The following CEP128 variants were observed in gnomAD, a reference collection of about 807,000 sequenced individuals.
CEP128 encodes the protein centrosomal protein 128, also known as centrosomal protein 128kDa.
CEP128 carries 132 observed loss-of-function variants against 156.7 expected under a neutral mutation model. The ratio of observed to expected loss-of-function variants is 0.84; its 90% confidence interval spans 0.73 to 0.97. The LOEUF (loss-of-function observed/expected upper bound fraction) is 0.97. CEP128 is among the 50% of genes least tolerant of loss of function. The pLI, the probability that CEP128 is intolerant of heterozygous loss-of-function variation, is 0.00. For synonymous variants in CEP128, 469 were observed against 448.9 expected (o/e 1.04, Z -0.57); for missense variants, 1,252 against 1,281.9 (o/e 0.98, Z 0.36).
chr14:80,608,342 T>C (rs912614137), intron 19 of CEP128, among the ~76,000 whole-genome samples: 1 of 152,218 alleles, frequency 6.6e-6, no homozygotes, highest in Non-Finnish European at 1.5e-5. Context: ...GCTGGGCACA[T>C]AGGAAGTGCT....
At chr14:80,634,681 A>G (rs1272376605) in intron 19 of CEP128, among the ~76,000 whole-genome samples, 1 of 152,104 alleles carries the variant, frequency 6.6e-6, no homozygotes, top group Non-Finnish European at 1.5e-5. Context: ...AGTTAATTTT[A>G]TCTCTGTGTT....
intron 15 of CEP128, among the ~76,000 whole-genome samples, chr14:80,782,917 C>A (rs972219074): frequency 6.6e-6 from 1 of 152,076 alleles, no homozygotes; most frequent in Non-Finnish European, 1.5e-5. Context: ...TTGCTAGGCC[C>A]TTTTAGTAAA....
At chr14:80,773,213 A>G (rs141841689) in intron 16 of CEP128, among the ~76,000 whole-genome samples, 64 of 152,304 alleles carry the variant, frequency 4.2e-4, no homozygotes, top group African/African-American at 1.4e-3. Flanking sequence ...TCATCAGTAA[A>G]ATTAAATTAT....
At chr14:80,715,857 A>T (rs1002605358) in intron 19 of CEP128, among the ~76,000 whole-genome samples, 1 of 152,186 alleles carries the variant, frequency 6.6e-6, no homozygotes, top group Non-Finnish European at 1.5e-5. Context: ...TGTGGTAAGG[A>T]CTGAGTAAGT....
In CEP128 at chr14:80,785,255, T is replaced by C; in HGVS notation, c.1851A>G (p.Ala617=). 6.2e-7 allele frequency: 1 copy of C among 1,614,192 alleles called. No individual in the cohort carries two copies. Among genetic ancestry groups the C allele is most frequent in the Non-Finnish European group, 8.5e-7 (1 of 1,180,022 alleles). The part of the protein sequence containing the change: ...VEKAHLEEEI[A]ELKKSQAQDK... ...CCTGGGCCTGGCTCTTCTTGAGCTC[T>C]GCAATTTCTTCCTCCAAGTGAGCTT... is the stretch of plus-strand genomic sequence containing the variant. The change falls in exon 15 of 25, where the codon GCA becomes GCG. Residue 617 remains alanine, a synonymous_variant. Coordinates refer to ENST00000555265, the MANE Select transcript of CEP128 (RefSeq NM_152446.5).
intron 19 of CEP128, among the ~76,000 whole-genome samples, chr14:80,624,271 C>G (rs1261544395): frequency 6.6e-6 from 1 of 152,078 alleles, no homozygotes; most frequent in South Asian, 2.1e-4. Context: ...TTTTTCATGG[C>G]TTCTTTTTTA....
chr14:80,737,318 T>C (rs1411681049), intron 19 of CEP128, among the ~76,000 whole-genome samples: 1 of 151,768 alleles, frequency 6.6e-6, no homozygotes, highest in Non-Finnish European at 1.5e-5. Flanking sequence ...GCAGGAGAAT[T>C]GCTTGAACCT....
At chr14:80,682,359 T>C (rs1227975369) in intron 19 of CEP128, among the ~76,000 whole-genome samples, 1 of 152,092 alleles carries the variant, frequency 6.6e-6, no homozygotes, top group African/African-American at 2.4e-5. Context: ...AGCTTGAAAA[T>C]TGGTGTTTTA....
At chr14:80,598,855 G>T (rs1162358762) in intron 19 of CEP128, among the ~76,000 whole-genome samples, 1 of 152,086 alleles carries the variant, frequency 6.6e-6, no homozygotes, top group Admixed American at 6.6e-5. Context: ...ATTAGTGACT[G>T]CCAGGGTTTA....
chr14:80,606,694 T>C (rs904409132), intron 19 of CEP128, among the ~76,000 whole-genome samples: 3 of 152,066 alleles, frequency 2.0e-5, no homozygotes, highest in Admixed American at 2.0e-4. Context: ...ATCCCTAAGG[T>C]TTAGGAAGGT....
chr14:80,912,199 G>C (rs1226505582), intron 4 of CEP128, among the ~76,000 whole-genome samples: 1 of 150,326 alleles, frequency 6.7e-6, no homozygotes, highest in African/African-American at 2.5e-5. Context: ...TCTGGTGACA[G>C]AGCGAGACTC....
At chr14:80,946,969 C>T (rs1886360498) in intron 2 of CEP128, among the ~76,000 whole-genome samples, 2 of 152,138 alleles carry the variant, frequency 1.3e-5, no homozygotes, top group Non-Finnish European at 2.9e-5. Context: ...TGAAGCACTT[C>T]CCCCTTCACT....
At chr14:80,523,156 A>C (rs572424974) in intron 23 of CEP128, among the ~76,000 whole-genome samples, 1 of 152,366 alleles carries the variant, frequency 6.6e-6, no homozygotes, top group African/African-American at 2.4e-5. Context: ...GTGCCTTCTT[A>C]CAACAGCAAC....
chr14:80,625,045 T>C lies in CEP128; in HGVS notation c.2807-44622A>G, dbSNP rs144985998. On this transcript the variant is annotated intron_variant, in intron 19 of 24. Transcript: ENST00000555265. ...AGGTTTTCTTTCCCTGTAGTAATTTTATAGTTTCAGGCCTTATGTTAAGTC... is the reference window on the plus strand; with the variant it reads ...AGGTTTTCTTTCCCTGTAGTAATTTCATAGTTTCAGGCCTTATGTTAAGTC... Among the ~76,000 whole-genome samples the C allele has an allele frequency of 2.7e-3, 418 of 152,314 alleles. 3 individuals are homozygous for C. The highest frequency in any genetic ancestry group is 9.6e-3 in the African/African-American group (401 of 41,564).
Position 80,876,840 on chromosome 14 carries a change from T to C in CEP128, c.646-13967A>G, listed in dbSNP as rs78977340. 6.2e-3 allele frequency among the ~76,000 whole-genome samples: 947 copies of C among 152,280 alleles called. 9 individuals carry two copies. Among genetic ancestry groups the C allele is most frequent in the African/African-American group, 0.021 (891 of 41,562 alleles). ...TCTAGACGGGATACTTTCAGGCATA[T>C]GCACACTCACCCTAAAGGAAATCTT... On this transcript the variant is annotated intron_variant, in intron 8 of 24. Coordinates refer to ENST00000555265, the MANE Select transcript of CEP128 (RefSeq NM_152446.5).
At chr14:80,551,772 C>T (rs1439787575) in intron 21 of CEP128, among the ~76,000 whole-genome samples, 1 of 152,174 alleles carries the variant, frequency 6.6e-6, no homozygotes, top group Non-Finnish European at 1.5e-5. Context: ...TCACCTCCCT[C>T]CCCAATCAAC....
intron 21 of CEP128, among the ~76,000 whole-genome samples, chr14:80,535,685 GT>G: frequency 6.6e-6 from 1 of 152,278 alleles, no homozygotes; most frequent in East Asian, 1.9e-4. Context: ...TGTCAGAGGA[GT>G]TTTATGATAC....
intron 20 of CEP128, among the ~76,000 whole-genome samples, chr14:80,576,641 G>T (rs111623918): frequency 1.1e-5 from 1 of 94,258 alleles, no homozygotes; most frequent in Non-Finnish European, 2.3e-5. Flanking sequence ...GTGTGTGTGT[G>T]TGTGTGTGTG....
chr14:80,918,930 T>A (rs990474370), intron 2 of CEP128, among the ~76,000 whole-genome samples: 2 of 152,196 alleles, frequency 1.3e-5, no homozygotes, highest in African/African-American at 4.8e-5. Context: ...CTTTTATCTC[T>A]TATATAAGAG....
Sources: allele counts gnomAD v4.1 joint callset (sites outside exome capture counted in the v4.1 genomes callset), GRCh38; gene constraint gnomAD v4.1.1; transcripts MANE v1.5; gene names NCBI Gene and HGNC (gene_info 2026-07-23, HGNC 2026-07-21).